TBCA: variants seen among roughly 807,000 people sequenced by gnomAD.
The protein encoded by TBCA is tubulin-specific chaperone A.
A neutral mutation model predicts 15.8 loss-of-function variants in TBCA; 6 were observed. The observed-to-expected ratio is 0.38, with a 90% confidence interval of 0.21 to 0.75. The LOEUF is 0.75. Among genes scored for constraint, TBCA ranks in the 30% least tolerant of loss-of-function variants. TBCA has a pLI of 0.46. For missense variants in TBCA, 90 were observed against 131.2 expected, an observed-to-expected ratio of 0.69 and a Z score of 1.53; for synonymous variants, 32 against 42.3, an observed-to-expected ratio of 0.76 and a Z score of 0.94.
chr5:77,705,102 G>T (rs1188404451), intron 2 of TBCA, among the ~76,000 whole-genome samples: 1 of 152,078 alleles, frequency 6.6e-6, no homozygotes, highest in Non-Finnish European at 1.5e-5. Context: ...ATAAAGTAGT[G>T]ATTTCATTGA....
intron 1 of TBCA, among the ~76,000 whole-genome samples, chr5:77,712,305 G>A (rs539035750): frequency 2.0e-5 from 3 of 152,266 alleles, no homozygotes; most frequent in South Asian, 2.1e-4. Flanking sequence ...TCAGAAGAGT[G>A]TGATATAGTA....
intron 1 of TBCA, among the ~76,000 whole-genome samples, chr5:77,731,941 T>C (rs938635134): frequency 6.6e-6 from 1 of 152,310 alleles, no homozygotes; most frequent in Middle Eastern, 3.4e-3. Flanking sequence ...GGGTGAGCAT[T>C]ACTGACTGTT....
intron 2 of TBCA, among the ~76,000 whole-genome samples, chr5:77,699,435 A>AAT (rs998451695): frequency 3.5e-4 from 54 of 152,212 alleles, no homozygotes; most frequent in African/African-American, 1.1e-3. Context: ...AACCCACACA[A>AAT]ATATGTCCAA....
At chr5:77,737,719 AT>A (rs1230993437) in intron 1 of TBCA, among the ~76,000 whole-genome samples, 1 of 152,164 alleles carries the variant, frequency 6.6e-6, no homozygotes, top group African/African-American at 2.4e-5. Flanking sequence ...GAAACTGATA[AT>A]TTTTTCCACT....
At chr5:77,771,721 C>G (rs1383297589) in intron 1 of TBCA, among the ~76,000 whole-genome samples, 1 of 152,204 alleles carries the variant, frequency 6.6e-6, no homozygotes, top group African/African-American at 2.4e-5. Flanking sequence ...TTTCCATATT[C>G]CCCTAACATT....
intron 1 of TBCA, among the ~76,000 whole-genome samples, chr5:77,710,773 G>A (rs1746261545): frequency 6.6e-6 from 1 of 152,140 alleles, no homozygotes; most frequent in Admixed American, 6.6e-5. Context: ...GCCTTTGCAC[G>A]CCTTTGAGTT....
chr5:77,775,911 G>A (rs1229743969), intron 1 of TBCA, among the ~76,000 whole-genome samples: 3 of 152,186 alleles, frequency 2.0e-5, no homozygotes, highest in Admixed American at 1.3e-4. Flanking sequence ...CGCAGGCCGC[G>A]GCCCACCACC....
chr5:77,704,321 T>C (rs1182672176), intron 2 of TBCA, among the ~76,000 whole-genome samples: 1 of 152,170 alleles, frequency 6.6e-6, no homozygotes. Context: ...ACAGAGGGAC[T>C]GTCCCCTGAT....
chr5:77,758,469 T>C (rs551071163), intron 1 of TBCA, among the ~76,000 whole-genome samples: 43 of 152,232 alleles, frequency 2.8e-4, no homozygotes, highest in Non-Finnish European at 5.4e-4. Context: ...AAATCTTTAG[T>C]GTTGTGAGCC....
intron 1 of TBCA, among the ~76,000 whole-genome samples, chr5:77,748,496 T>TTA (rs398109061): frequency 3.3e-5 from 5 of 151,666 alleles, no homozygotes; most frequent in Non-Finnish European, 5.9e-5. Context: ...TTTTTTTTTT[T>TTA]AAGATTTTCT....
intron 1 of TBCA, among the ~76,000 whole-genome samples, chr5:77,746,083 C>A (rs559667252): frequency 6.6e-6 from 1 of 152,060 alleles, no homozygotes; most frequent in Non-Finnish European, 1.5e-5. Flanking sequence ...TGGTTCCCAA[C>A]GGGGCATTTC....
intron 2 of TBCA, among the ~76,000 whole-genome samples, chr5:77,701,993 T>G (rs1195722251): frequency 6.6e-6 from 1 of 151,790 alleles, no homozygotes; most frequent in East Asian, 1.9e-4. Context: ...GCTATGAGGA[T>G]GCAAAGGCGT....
chr5:77,703,517 G>A (rs1303805385), intron 2 of TBCA, among the ~76,000 whole-genome samples: 1 of 152,094 alleles, frequency 6.6e-6, no homozygotes, highest in Non-Finnish European at 1.5e-5. Context: ...ATCTTTAATT[G>A]ACTGATATTC....
intron 2 of TBCA, among the ~76,000 whole-genome samples, chr5:77,696,363 C>G (rs1009059683): frequency 6.6e-6 from 1 of 152,126 alleles, no homozygotes; most frequent in African/African-American, 2.4e-5. Flanking sequence ...CTCAGGAAAT[C>G]TATCTGACTT....
intron 1 of TBCA, among the ~76,000 whole-genome samples, chr5:77,737,983 C>T (rs1746947990): frequency 6.6e-6 from 1 of 152,112 alleles, no homozygotes; most frequent in Non-Finnish European, 1.5e-5. Context: ...AGTAGTAAAG[C>T]CTTTGAACAT....
In TBCA at chr5:77,746,106, T is replaced by C. The variant is rs1252582951; in HGVS notation, c.53+30099A>G. 2.0e-5 allele frequency among the ~76,000 whole-genome samples: 3 copies of C among 152,206 alleles called. No homozygotes were observed. The East Asian group carries it at 5.8e-4, about 29-fold the overall frequency. On this transcript the variant is annotated intron_variant, in intron 1 of 3. Coordinates refer to ENST00000380377, the MANE Select transcript of TBCA (RefSeq NM_004607.3). The stretch of plus-strand genomic sequence containing the variant: ...AACGGGGCATTTCGGCCTTTAGAGA[T>C]ATCTGAAAGTTGCCATTCAAAACCT...
At chr5:77,705,532 T>C (rs1746131079) in intron 2 of TBCA, 1 of 398,408 alleles carries the variant, frequency 2.5e-6, no homozygotes, top group Non-Finnish European at 4.4e-6. Context: ...CGTTAGTTCA[T>C]AAAGGCGGAC....
At chr5:77,714,752 G>C (rs1746361102) in intron 1 of TBCA, among the ~76,000 whole-genome samples, 1 of 151,950 alleles carries the variant, frequency 6.6e-6, no homozygotes, top group African/African-American at 2.4e-5. Flanking sequence ...ATTTCTAGTA[G>C]AGACGGAGTT....
At chr5:77,731,969 C>T (rs929346665) in intron 1 of TBCA, among the ~76,000 whole-genome samples, 5 of 152,128 alleles carry the variant, frequency 3.3e-5, no homozygotes, top group African/African-American at 9.7e-5. Context: ...TAAGTTTGGG[C>T]GCAAGTTACA....
Sources: allele counts gnomAD v4.1 joint callset (sites outside exome capture counted in the v4.1 genomes callset), GRCh38; gene constraint gnomAD v4.1.1; transcripts MANE v1.5; gene names NCBI Gene and HGNC (gene_info 2026-07-23, HGNC 2026-07-21).